GLG1: variants seen among roughly 807,000 people sequenced by gnomAD.
The protein encoded by GLG1 is Golgi apparatus protein 1.
A neutral mutation model predicts 160.5 loss-of-function variants in GLG1; 38 were observed. That is an observed-to-expected ratio of 0.24 (90% CI 0.18 to 0.31). GLG1 has a LOEUF of 0.31. Ranked by LOEUF, GLG1 falls within the 10% of genes least tolerant of loss-of-function variation. GLG1 has a pLI of 1.00. For synonymous variants in GLG1, 644 were observed against 543.4 expected (o/e 1.19, Z -2.57); for missense variants, 1,373 against 1,505.2 (o/e 0.91, Z 1.45).
intron 2 of GLG1, among the ~76,000 whole-genome samples, chr16:74,516,075 A>C (rs1010384749): frequency 6.6e-6 from 1 of 151,674 alleles, no homozygotes; most frequent in African/African-American, 2.4e-5. Flanking sequence ...GAGACCTACA[A>C]AGAGACTTAG....
chr16:74,567,806 G>C (rs1475975818), intron 1 of GLG1, among the ~76,000 whole-genome samples: 2 of 150,732 alleles, frequency 1.3e-5, no homozygotes, highest in Non-Finnish European at 3.0e-5. Context: ...CTGACCTCAT[G>C]ATCCACCCGC....
At chr16:74,480,537 A>G (rs770758149) in intron 10 of GLG1, 143 bp from the exon 11 acceptor site, 7 of 549,750 alleles carry the variant, frequency 1.3e-5, no homozygotes, top group Non-Finnish European at 2.2e-5. Flanking sequence ...ATGTAAAAGT[A>G]TATTCCTGAA....
chr16:74,470,580 C>G (rs1395899970), intron 15 of GLG1, among the ~76,000 whole-genome samples: 1 of 150,338 alleles, frequency 6.7e-6, no homozygotes, highest in Non-Finnish European at 1.5e-5. Flanking sequence ...TCCCGAGTAG[C>G]TGGGATTACA....
At chr16:74,514,874 A>G (rs576100366) in intron 2 of GLG1, among the ~76,000 whole-genome samples, 1 of 152,242 alleles carries the variant, frequency 6.6e-6, no homozygotes, top group Admixed American at 6.5e-5. Context: ...ACCCATCAGT[A>G]TGCTGTATTC....
chr16:74,585,805 G>T (rs867424158), intron 1 of GLG1, among the ~76,000 whole-genome samples: 1 of 151,916 alleles, frequency 6.6e-6, no homozygotes, highest in Non-Finnish European at 1.5e-5. Context: ...GCTCATGCCT[G>T]TAATCTCAAC....
Position 74,452,020 on chromosome 16 carries a change from C to G in GLG1, c.*1147G>C, listed in dbSNP as rs1439438437. On this transcript the variant is annotated 3_prime_UTR_variant, in exon 26 of 26. Transcript: ENST00000422840. ...CTCTCCACGTAGAGGCACAAAGGAG[C>G]TTGTCTGGGAAGTTTGTCTGGAGTG... 1 of 1,456,652 alleles carries G rather than the reference C, an allele frequency of 6.9e-7. No homozygotes were observed. The highest frequency in any genetic ancestry group is 1.7e-5 in the Admixed American group (1 of 59,830). The allele number at this position is 1,456,652 out of a possible 1,614,324, so 90.2% of individuals were successfully genotyped here. A position where few individuals can be genotyped will look rare whatever the true frequency, so the allele number is the denominator to read the frequency against.
intron 1 of GLG1, among the ~76,000 whole-genome samples, chr16:74,592,741 C>T (rs1452877449): frequency 6.6e-6 from 1 of 152,148 alleles, no homozygotes; most frequent in Non-Finnish European, 1.5e-5. Flanking sequence ...CAATGCTTTT[C>T]CTCTCATCAC....
intron 2 of GLG1, among the ~76,000 whole-genome samples, chr16:74,513,151 T>C (rs1437483093): frequency 6.6e-6 from 1 of 152,076 alleles, no homozygotes; most frequent in Non-Finnish European, 1.5e-5. Flanking sequence ...ATGGATAATT[T>C]TGACCAAAGA....
chr16:74,587,659 A>G (rs1958083110), intron 1 of GLG1, among the ~76,000 whole-genome samples: 3 of 152,212 alleles, frequency 2.0e-5, no homozygotes, highest in Admixed American at 6.6e-5. Context: ...CGAGGTCAAG[A>G]GATCAAGACC....
At position 74,540,230 on chromosome 16, in the gene GLG1, T is replaced by C. The variant is rs545621405; in HGVS notation, c.439-8077A>G. Among the ~76,000 whole-genome samples, 397 of 137,942 alleles carry C rather than the reference T, an allele frequency of 2.9e-3. 2 individuals are homozygous for C. The highest frequency in any genetic ancestry group is 9.8e-3 in the African/African-American group (363 of 37,022). The allele number at this position is 137,942 out of a possible 152,430, so 90.5% of individuals were successfully genotyped here. On this transcript the variant is annotated intron_variant, in intron 1 of 25. Coordinates refer to ENST00000422840, the MANE Select transcript of GLG1 (RefSeq NM_001145667.2). ...TAATGACTTTTACATTGGATTATAA[T>C]ATTTATTAATCCATGAATATAAAAA...
rs1417538693 is a variant in GLG1 at position 74,448,356 on chromosome 16, T to TGA, written c.*4809_*4810dup. On this transcript the variant is annotated 3_prime_UTR_variant, in exon 26 of 26. Transcript: ENST00000422840. ...GAGGAAGGAAGTGTCCCTCAAGGCCTGAGAGAGACCCACAGCACCAGATGC... is the reference window on the plus strand; with the variant it reads ...GAGGAAGGAAGTGTCCCTCAAGGCCTGAGAGAGAGACCCACAGCACCAGATGC... The TGA allele has an allele frequency of 2.0e-5, 3 of 152,282 alleles. No individual in the cohort carries two copies. Among genetic ancestry groups the TGA allele is most frequent in the African/African-American group, 7.2e-5 (3 of 41,546 alleles). 9.4% of individuals were successfully genotyped at this position (152,282 alleles called of 1,614,324 possible).
At chr16:74,544,439 A>C (rs1171210397) in intron 1 of GLG1, among the ~76,000 whole-genome samples, 2 of 151,890 alleles carry the variant, frequency 1.3e-5, no homozygotes, top group Non-Finnish European at 2.9e-5. Flanking sequence ...TCGTGTGAGA[A>C]TCTCCTGCAC....
At position 74,512,682 on chromosome 16, in the gene GLG1, G is replaced by GA. The variant is rs1200362358; in HGVS notation, c.472-3758dup. 1.8e-3 allele frequency among the ~76,000 whole-genome samples: 233 copies of GA among 131,190 alleles called. 1 individual carries two copies. The highest frequency in any genetic ancestry group is 6.1e-3 in the East Asian group (28 of 4,598). The allele number at this position is 131,190 out of a possible 152,430, so 86.1% of individuals were successfully genotyped here. On this transcript the variant is annotated intron_variant, in intron 2 of 25. Transcript: ENST00000422840. ...ATGGGGATGAGAAAGGTGAAGGAAG[G>GA]AAAAAAAAAAAAAGACCATTGTCTC...
intron 2 of GLG1, among the ~76,000 whole-genome samples, chr16:74,513,178 C>G (rs894922293): frequency 3.9e-5 from 6 of 152,050 alleles, no homozygotes; most frequent in African/African-American, 1.2e-4. Flanking sequence ...AAGATCACAT[C>G]TGATTACACT....
chr16:74,505,457 T>C (rs9926193), intron 3 of GLG1, among the ~76,000 whole-genome samples: 143,962 of 152,286 alleles, frequency 0.95, 68,256 homozygotes, highest in East Asian at 1. Context: ...CGGTGGCTCA[T>C]GTCCGTAATC....
At chr16:74,522,306 T>C (rs961275370) in intron 2 of GLG1, among the ~76,000 whole-genome samples, 1 of 152,192 alleles carries the variant, frequency 6.6e-6, no homozygotes, top group Admixed American at 6.5e-5. Context: ...AATGGCTGTA[T>C]CATTTGCTAT....
chr16:74,560,781 T>C (rs1363609674), intron 1 of GLG1, among the ~76,000 whole-genome samples: 2 of 151,508 alleles, frequency 1.3e-5, no homozygotes, highest in Non-Finnish European at 2.9e-5. Flanking sequence ...AGGAGTTTGA[T>C]TGAGACCAGA....
chr16:74,536,570 G>T (rs1454523801), intron 1 of GLG1, among the ~76,000 whole-genome samples: 1 of 152,208 alleles, frequency 6.6e-6, no homozygotes, highest in Non-Finnish European at 1.5e-5. Context: ...TAGGCCTAAA[G>T]AATTAGAAGA....
Position 74,491,183 on chromosome 16 carries a change from T to C in GLG1, c.1267A>G (p.Met423Val). The C allele has an allele frequency of 1.2e-6, 2 of 1,614,034 alleles. No individual in the cohort carries two copies. Among genetic ancestry groups the C allele is most frequent in the Non-Finnish European group, 1.7e-6 (2 of 1,179,954 alleles). Residue 423 changes from methionine to valine, a missense_variant, in exon 8 of 26, where the codon ATG becomes GTG. Coordinates refer to ENST00000422840, the MANE Select transcript of GLG1 (RefSeq NM_001145667.2). Reference protein sequence around the residue: ...RQVSSECQGEMLDYRRMLMED... With the variant: ...RQVSSECQGEVLDYRRMLMED... The stretch of plus-strand genomic sequence containing the variant: ...ATCAACATGCGTCGGTAATCCAGCA[T>C]CTCCCCCTGGCACTCACTGCTGACT...
Sources: allele counts gnomAD v4.1 joint callset (sites outside exome capture counted in the v4.1 genomes callset), GRCh38; gene constraint gnomAD v4.1.1; transcripts MANE v1.5; gene names NCBI Gene and HGNC (gene_info 2026-07-23, HGNC 2026-07-21).